The following BACH2 variants were observed in gnomAD, a reference collection of about 807,000 sequenced individuals.
BACH2 encodes the protein transcription regulator protein BACH2.
BACH2 carries 5 observed loss-of-function variants against 61.8 expected under a neutral mutation model. That is an observed-to-expected ratio of 0.08 (90% CI 0.04 to 0.17). The LOEUF (loss-of-function observed/expected upper bound fraction) is 0.17. Among genes scored for constraint, BACH2 ranks in the 10% least tolerant of loss-of-function variants. The pLI is 1.00. For synonymous variants in BACH2, 446 were observed against 440.1 expected (o/e 1.01, Z -0.17); for missense variants, 824 against 1,091.1 (o/e 0.76, Z 3.45).
At chr6:90,272,410 C>A (rs1771554431) in intron 1 of BACH2, among the ~76,000 whole-genome samples, 1 of 152,086 alleles carries the variant, frequency 6.6e-6, no homozygotes. Context: ...CGTCTGTTCC[C>A]AGCACATCAA....
At chr6:90,104,633 G>A (rs1477984690) in intron 4 of BACH2, among the ~76,000 whole-genome samples, 1 of 152,166 alleles carries the variant, frequency 6.6e-6, no homozygotes, top group Non-Finnish European at 1.5e-5. Context: ...CCACCCAAAT[G>A]GTTCCAAGTG....
Position 90,014,468 on chromosome 6 carries a change from A to ATTTTTTTTT in BACH2, c.-12-5621_-12-5613dup, listed in dbSNP as rs1164045089. On this transcript the variant is annotated intron_variant, in intron 5 of 8. Transcript: ENST00000257749. ...TATATATATATATATATATATATAT[A>ATTTTTTTTT]TTTTTTTTTTTTTTTTTTTTTTTTT... 2.5e-4 allele frequency among the ~76,000 whole-genome samples: 8 copies of ATTTTTTTTT among 32,306 alleles called. 1 individual carries two copies. The highest frequency in any genetic ancestry group is 6.0e-4 in the Admixed American group (1 of 1,668). The allele number at this position is 32,306 out of a possible 152,430, so 21.2% of individuals were successfully genotyped here.
intron 5 of BACH2, among the ~76,000 whole-genome samples, chr6:90,030,055 T>C (rs1447479379): frequency 2.0e-5 from 3 of 152,208 alleles, no homozygotes; most frequent in Non-Finnish European, 2.9e-5. Flanking sequence ...CAGAAACACA[T>C]TGCCCATTGG....
chr6:90,285,995 T>C (rs1296753232), intron 1 of BACH2, among the ~76,000 whole-genome samples: 2 of 152,192 alleles, frequency 1.3e-5, no homozygotes, highest in South Asian at 2.1e-4. Context: ...AAATAATCTA[T>C]GCCACTGCTC....
At chr6:90,031,437 T>C (rs952856531) in intron 5 of BACH2, among the ~76,000 whole-genome samples, 10 of 152,334 alleles carry the variant, frequency 6.6e-5, no homozygotes, top group African/African-American at 1.7e-4. Flanking sequence ...GATGACATGA[T>C]TGTATATCTA....
chr6:90,246,481 G>C (rs142961742), intron 3 of BACH2, among the ~76,000 whole-genome samples: 5 of 151,902 alleles, frequency 3.3e-5, no homozygotes, highest in African/African-American at 1.2e-4. Flanking sequence ...AGAAAAATGC[G>C]TTACATTCCT....
chr6:90,287,622 A>G (rs1454048133), intron 1 of BACH2, among the ~76,000 whole-genome samples: 1 of 152,212 alleles, frequency 6.6e-6, no homozygotes, highest in Admixed American at 6.5e-5. Flanking sequence ...GTATTTTAAT[A>G]CTACTTTGAT....
chr6:90,082,255 C>G (rs1446786066), intron 5 of BACH2, among the ~76,000 whole-genome samples: 1 of 152,142 alleles, frequency 6.6e-6, no homozygotes, highest in Non-Finnish European at 1.5e-5. Context: ...CCAAAGCCAT[C>G]TTGTACATAA....
chr6:90,247,257 T>A (rs576454613), intron 3 of BACH2, among the ~76,000 whole-genome samples: 26 of 151,946 alleles, frequency 1.7e-4, no homozygotes, highest in African/African-American at 5.5e-4. Flanking sequence ...TTTTTTTTTT[T>A]TTTGTAGAGA....
At position 90,062,289 on chromosome 6, in the gene BACH2, C is replaced by G. The variant is rs141868819; in HGVS notation, c.-13+26672G>C. 2.2e-3 allele frequency among the ~76,000 whole-genome samples: 342 copies of G among 152,272 alleles called. 6 individuals are homozygous for G. The Middle Eastern group carries it at 0.051, about 23-fold the overall frequency. On this transcript the variant is annotated intron_variant, in intron 5 of 8. Transcript: ENST00000257749. ...AAGTTCTCATGAGGTCTACTCCACC[C>G]TAGCTTCAAATTTACCCATGTCACA... is the stretch of plus-strand genomic sequence containing the variant.
At chr6:90,169,994 G>A (rs551697283) in intron 4 of BACH2, among the ~76,000 whole-genome samples, 5 of 152,238 alleles carry the variant, frequency 3.3e-5, no homozygotes, top group Non-Finnish European at 4.4e-5. Flanking sequence ...TTTTGGCATC[G>A]TATAGTTGAA....
At chr6:90,075,129 T>A (rs902873506) in intron 5 of BACH2, among the ~76,000 whole-genome samples, 1 of 152,144 alleles carries the variant, frequency 6.6e-6, no homozygotes, top group Admixed American at 6.5e-5. Flanking sequence ...TATTTCCCAG[T>A]GCATGTCATG....
At chr6:90,149,254 G>A (rs1256711623) in intron 4 of BACH2, among the ~76,000 whole-genome samples, 5 of 152,108 alleles carry the variant, frequency 3.3e-5, no homozygotes, top group South Asian at 2.1e-4. Flanking sequence ...TTTTTCCAGC[G>A]CTTCTATGTA....
intron 5 of BACH2, among the ~76,000 whole-genome samples, chr6:90,034,833 C>T (rs1378989773): frequency 6.6e-6 from 1 of 152,122 alleles, no homozygotes; most frequent in African/African-American, 2.4e-5. Context: ...CCTAAAACAT[C>T]TCCAATCTGA....
At chr6:90,134,725 G>C (rs962749427) in intron 4 of BACH2, among the ~76,000 whole-genome samples, 1 of 152,212 alleles carries the variant, frequency 6.6e-6, no homozygotes, top group Non-Finnish European at 1.5e-5. Flanking sequence ...AGAGGAGCTG[G>C]TATTTATGTC....
chr6:89,988,346 A>G (rs1395587211), intron 6 of BACH2, among the ~76,000 whole-genome samples: 1 of 152,218 alleles, frequency 6.6e-6, no homozygotes, highest in Non-Finnish European at 1.5e-5. Flanking sequence ...GAGCAAGGGT[A>G]GTCAGTCACA....
At position 89,951,419 on chromosome 6, in the gene BACH2, G is replaced by C. The variant is rs1774103106; in HGVS notation, c.687C>G (p.Pro229=). ...SSEKDALTQY[P]RYKKYQLACT... is the part of the protein sequence containing the mutation. ...ATGCAAGCTGGTATTTCTTGTATCTGGGGTACTGCGTTAACGCGTCCTTTT... is the reference window on the plus strand; with the variant it reads ...ATGCAAGCTGGTATTTCTTGTATCTCGGGTACTGCGTTAACGCGTCCTTTT... The change falls in exon 7 of 9, where the codon CCC becomes CCG. Residue 229 remains proline (P), a synonymous_variant. Transcript: ENST00000257749. The surrounding 1 kb of genome is among the most constrained non-coding windows in gnomAD (Gnocchi z 6.4). 2.5e-6 allele frequency: 4 copies of C among 1,614,082 alleles called. No individual in the cohort carries two copies. The highest frequency in any genetic ancestry group is 1.3e-5 in the African/African-American group (1 of 74,944).
intron 4 of BACH2, among the ~76,000 whole-genome samples, chr6:90,156,936 T>A (rs542259806): frequency 6.6e-6 from 1 of 152,110 alleles, no homozygotes; most frequent in Admixed American, 6.5e-5. Flanking sequence ...GAAGAAGGGA[T>A]GGTAGCTGGG....
chr6:90,029,232 C>A (rs1778813079), intron 5 of BACH2, among the ~76,000 whole-genome samples: 1 of 152,164 alleles, frequency 6.6e-6, no homozygotes, highest in Admixed American at 6.5e-5. Context: ...TGATTTCAAA[C>A]AACCCTACAA....
Sources: allele counts gnomAD v4.1 joint callset (sites outside exome capture counted in the v4.1 genomes callset), GRCh38; gene constraint gnomAD v4.1.1; non-coding constraint Gnocchi (gnomAD v3.1); transcripts MANE v1.5; gene names NCBI Gene and HGNC (gene_info 2026-07-23, HGNC 2026-07-21).